GLRA2: variants seen among roughly 807,000 people sequenced by gnomAD.
GLRA2 encodes the protein glycine receptor subunit alpha-2.
A neutral mutation model predicts 31.6 loss-of-function variants in GLRA2; 11 were observed. The observed-to-expected ratio is 0.35, with a 90% CI of 0.22 to 0.58. The LOEUF (loss-of-function observed/expected upper bound fraction) is 0.58. GLRA2 is among the 20% of genes least tolerant of loss of function. The probability of loss-of-function intolerance (pLI) is 0.84; values close to 1 mark genes in which losing one functional copy is unlikely to be tolerated. For missense variants in GLRA2, 212 were observed against 351.8 expected (o/e 0.60, Z 3.18); for synonymous variants, 132 against 134.0 (o/e 0.99, Z 0.10).
intron 2 of GLRA2, among the ~76,000 whole-genome samples, chrX:14,533,090 CAG>C (rs1449162282): frequency 9.1e-6 from 1 of 110,307 alleles, no homozygotes; most frequent in Non-Finnish European, 1.9e-5. Flanking sequence ...TATTCTGAAT[CAG>C]AAAAAAAGAA....
At chrX:14,607,081 G>T in intron 5 of GLRA2, 50 bp from the exon 6 acceptor site, 1 of 990,490 alleles carries the variant, frequency 1.0e-6, no homozygotes, top group Non-Finnish European at 1.4e-6. Context: ...AGACTTTCAA[G>T]CTTTCTTGGA....
At chrX:14,483,018 A>G in the GLRA2 span, among the ~76,000 whole-genome samples, 2 of 111,849 alleles carry the variant, frequency 1.8e-5, no homozygotes, top group African/African-American at 6.5e-5. Context: ...CTGACTTGGT[A>G]TTCTTCTTAA....
At chrX:14,680,996 A>G (rs2091195397) in intron 7 of GLRA2, among the ~76,000 whole-genome samples, 1 of 112,423 alleles carries the variant, frequency 8.9e-6, no homozygotes, top group South Asian at 3.7e-4. Flanking sequence ...TTTATGGGCC[A>G]TGTGAATAAT....
chrX:14,700,067 A>G (rs193109204), intron 8 of GLRA2, among the ~76,000 whole-genome samples: 29 of 111,039 alleles, frequency 2.6e-4, no homozygotes, highest in Admixed American at 2.2e-3. Flanking sequence ...CTGTACAATA[A>G]TCTGTACAAC....
At chrX:14,540,509 C>T (rs2089386868) in intron 2 of GLRA2, among the ~76,000 whole-genome samples, 1 of 110,916 alleles carries the variant, frequency 9.0e-6, no homozygotes, top group African/African-American at 3.3e-5. Flanking sequence ...TTGATACAAA[C>T]CCTGAAGGAC....
chrX:14,546,925 CAA>C (rs1342450387), intron 2 of GLRA2, among the ~76,000 whole-genome samples: 1 of 111,593 alleles, frequency 9.0e-6, no homozygotes, highest in African/African-American at 3.3e-5. Context: ...CATAAAGTCT[CAA>C]ATAAGCAGGT....
the GLRA2 span, among the ~76,000 whole-genome samples, chrX:14,502,012 G>A: frequency 1.3e-4 from 14 of 110,949 alleles, no homozygotes; most frequent in African/African-American, 3.6e-4. Context: ...ATTGAACTAA[G>A]ACCCACTCCA....
At chrX:14,622,269 G>C (rs997908471) in intron 7 of GLRA2, among the ~76,000 whole-genome samples, 2 of 111,830 alleles carry the variant, frequency 1.8e-5, no homozygotes, top group Admixed American at 9.5e-5. Flanking sequence ...TTAGAACTTA[G>C]TCAGATGGGT....
chrX:14,722,898 A>G lies in GLRA2; in HGVS notation c.1081-7309A>G, dbSNP rs2283710. Among the ~76,000 whole-genome samples the G allele has an allele frequency of 1.8e-4, 20 of 112,858 alleles. No homozygotes were observed. In the East Asian group the frequency reaches 5.3e-3, roughly 30 times the overall value. On this transcript the variant is annotated intron_variant, in intron 8 of 8. Transcript: ENST00000218075. ...TTTTATCCTCAGCATCAGAGCAAAG[A>G]TTTATTCTGAATCCAAAATTATTTA...
intron 7 of GLRA2, among the ~76,000 whole-genome samples, chrX:14,631,060 A>T (rs1219272786): frequency 9.0e-6 from 1 of 111,129 alleles, no homozygotes; most frequent in East Asian, 2.8e-4. Context: ...TGCACTGGGA[A>T]TTAAGTTTCA....
the GLRA2 span, among the ~76,000 whole-genome samples, chrX:14,495,162 C>T: frequency 9.0e-6 from 1 of 111,288 alleles, no homozygotes; most frequent in Non-Finnish European, 1.9e-5. Context: ...AGAGAAAAGG[C>T]ATAAATGGCC....
At position 14,695,514 on chromosome X, in the gene GLRA2, C is replaced by T. The variant is rs1405707952; in HGVS notation, c.1080+4655C>T. ...CATTACATGGAGACAACTATTTCAC[C>T]CATTTTAATAATGACTTAAATTATT... On this transcript the variant is annotated intron_variant, in intron 8 of 8. Transcript: ENST00000218075. Among the ~76,000 whole-genome samples, 4 of 111,804 alleles carry T rather than the reference C, an allele frequency of 3.6e-5. No homozygotes were observed. In the East Asian group the frequency reaches 8.4e-4, roughly 24 times the overall value.
the GLRA2 span, among the ~76,000 whole-genome samples, chrX:14,493,996 G>T: frequency 1.8e-5 from 2 of 110,276 alleles, no homozygotes; most frequent in Non-Finnish European, 3.8e-5. Context: ...AACATACATG[G>T]GAATTAATGA....
At chrX:14,640,151 A>T (rs916935042) in intron 7 of GLRA2, among the ~76,000 whole-genome samples, 2 of 107,764 alleles carry the variant, frequency 1.9e-5, no homozygotes, top group African/African-American at 6.7e-5. Flanking sequence ...ATTTGTGTTT[A>T]TTTTTTTTTT....
chrX:14,570,831 G>T (rs2089872405), intron 2 of GLRA2, among the ~76,000 whole-genome samples: 1 of 111,739 alleles, frequency 8.9e-6, no homozygotes, highest in African/African-American at 3.3e-5. Context: ...CTGAGAAAGT[G>T]ATATATAGCA....
chrX:14,596,571 C>T (rs188552190), intron 4 of GLRA2, among the ~76,000 whole-genome samples: 4 of 110,697 alleles, frequency 3.6e-5, no homozygotes, highest in Non-Finnish European at 7.6e-5. Context: ...CGCTTGAACT[C>T]GGGAGGTGGA....
At chrX:14,628,025 A>G (rs2090606771) in intron 7 of GLRA2, among the ~76,000 whole-genome samples, 1 of 110,832 alleles carries the variant, frequency 9.0e-6, no homozygotes, top group South Asian at 3.8e-4. Context: ...GAATTAGGTA[A>G]TGGTCATAGA....
At chrX:14,542,804 AGTT>A (rs1251388793) in intron 2 of GLRA2, among the ~76,000 whole-genome samples, 1 of 110,167 alleles carries the variant, frequency 9.1e-6, no homozygotes, top group African/African-American at 3.3e-5. Context: ...AGTGCTGGTC[AGTT>A]GTTGTGTCTA....
At chrX:14,694,620 G>GATT (rs1248000808) in intron 8 of GLRA2, among the ~76,000 whole-genome samples, 1 of 111,853 alleles carries the variant, frequency 8.9e-6, no homozygotes, top group African/African-American at 3.2e-5. Context: ...TGATGGCTTA[G>GATT]ATTATGGTAT....
Sources: gnomAD v4.1 joint callset for allele counts (sites outside exome capture counted in the v4.1 genomes callset) on GRCh38, gnomAD v4.1.1 for gene constraint, MANE v1.5 for transcripts, NCBI Gene and HGNC (gene_info 2026-07-23, HGNC 2026-07-21) for gene names.